GPC5: variants seen among roughly 807,000 people sequenced by gnomAD.
GPC5 encodes glypican 5, also known as glypican-5.
In GPC5, 47 loss-of-function variants were observed where a neutral mutation model predicts 53.9. The ratio of observed to expected loss-of-function variants is 0.87; its 90% CI spans 0.69 to 1.11. The LOEUF (loss-of-function observed/expected upper bound fraction) is 1.11, where lower values mean the gene tolerates loss of function less well. Ranked by LOEUF, GPC5 falls within the 50% of genes most tolerant of loss-of-function variation. The pLI is 0.00. For synonymous variants in GPC5, 286 were observed against 263.3 expected (o/e 1.09, Z -0.84); for missense variants, 748 against 713.1 (o/e 1.05, Z -0.56).
chr13:92,229,241 T>C (rs1310760078), intron 7 of GPC5, among the ~76,000 whole-genome samples: 1 of 152,106 alleles, frequency 6.6e-6, no homozygotes, highest in East Asian at 1.9e-4. Flanking sequence ...AGGTCATTAT[T>C]TGATTCATTG....
chr13:92,126,756 T>C (rs949252881), intron 6 of GPC5, among the ~76,000 whole-genome samples: 5 of 152,074 alleles, frequency 3.3e-5, no homozygotes, highest in African/African-American at 1.2e-4. Flanking sequence ...TTAAAACATG[T>C]AGGGTGTTAG....
At chr13:91,619,530 A>G (rs151182126) in intron 2 of GPC5, among the ~76,000 whole-genome samples, 44 of 152,194 alleles carry the variant, frequency 2.9e-4, no homozygotes, top group African/African-American at 9.6e-4. Flanking sequence ...GTAGGATTTT[A>G]ATTGGTTCCA....
chr13:92,772,812 C>A (rs1359286068), intron 7 of GPC5, among the ~76,000 whole-genome samples: 1 of 152,138 alleles, frequency 6.6e-6, no homozygotes, highest in Non-Finnish European at 1.5e-5. Flanking sequence ...TTTCTTATCA[C>A]AGTTAAGAAT....
chr13:91,781,810 T>C (rs2037802896), intron 5 of GPC5, among the ~76,000 whole-genome samples: 1 of 152,214 alleles, frequency 6.6e-6, no homozygotes, highest in African/African-American at 2.4e-5. Context: ...GCAATCTCAC[T>C]TCAGTAATCT....
Position 92,583,765 on chromosome 13 carries a change from A to C in GPC5, c.1562-282517A>C, listed in dbSNP as rs546600954. The stretch of plus-strand genomic sequence containing the variant: ...TATGGTTTGGCTGTGTCCCCTTTCA[A>C]ATCTCATCTTGAATTCCCAAGTGTT... On this transcript the variant is annotated intron_variant, in intron 7 of 7. Coordinates refer to ENST00000377067, the MANE Select transcript of GPC5 (RefSeq NM_004466.6). Among the ~76,000 whole-genome samples, 6 of 152,316 alleles carry C rather than the reference A, an allele frequency of 3.9e-5. No individual in the cohort carries two copies. In the South Asian group the frequency reaches 1.2e-3, roughly 32 times the overall value.
intron 7 of GPC5, among the ~76,000 whole-genome samples, chr13:92,729,448 A>G (rs911282594): frequency 2.0e-5 from 3 of 151,446 alleles, no homozygotes; most frequent in African/African-American, 7.3e-5. Flanking sequence ...CATTGTGTGA[A>G]ATGATATTTG....
At chr13:92,275,249 G>A (rs929112309) in intron 7 of GPC5, among the ~76,000 whole-genome samples, 1 of 151,920 alleles carries the variant, frequency 6.6e-6, no homozygotes, top group Non-Finnish European at 1.5e-5. Context: ...ATACACACAG[G>A]CTTCTGTATT....
chr13:92,271,724 A>C (rs1454038209), intron 7 of GPC5, among the ~76,000 whole-genome samples: 1 of 152,174 alleles, frequency 6.6e-6, no homozygotes, highest in Non-Finnish European at 1.5e-5. Flanking sequence ...AAGAAGGTAG[A>C]GCTCTAGAGA....
At chr13:91,936,656 T>C (rs1007202137) in intron 6 of GPC5, among the ~76,000 whole-genome samples, 1 of 152,068 alleles carries the variant, frequency 6.6e-6, no homozygotes, top group Non-Finnish European at 1.5e-5. Context: ...AGGAAACAAA[T>C]AGTCATGTCA....
chr13:91,525,821 A>G (rs1886059846), intron 2 of GPC5, among the ~76,000 whole-genome samples: 1 of 152,212 alleles, frequency 6.6e-6, no homozygotes, highest in Admixed American at 6.5e-5. Context: ...TTGGGCTTCC[A>G]GTCAGTGATT....
intron 7 of GPC5, among the ~76,000 whole-genome samples, chr13:92,698,911 G>T (rs1261526982): frequency 1.3e-5 from 2 of 152,048 alleles, no homozygotes; most frequent in Non-Finnish European, 2.9e-5. Context: ...TTTTTATTGT[G>T]TCTCTGCCAG....
chr13:92,730,779 A>T (rs1166189793), intron 7 of GPC5, among the ~76,000 whole-genome samples: 1 of 151,414 alleles, frequency 6.6e-6, no homozygotes, highest in Non-Finnish European at 1.5e-5. Flanking sequence ...AAAACTGGCA[A>T]ATGCAAGTAG....
At chr13:92,683,296 T>C (rs989253429) in intron 7 of GPC5, among the ~76,000 whole-genome samples, 4 of 152,156 alleles carry the variant, frequency 2.6e-5, no homozygotes, top group Admixed American at 1.3e-4. Flanking sequence ...TGCCAGACAG[T>C]CTGTTCCTTG....
chr13:91,832,530 G>T (rs2038674111), intron 5 of GPC5, among the ~76,000 whole-genome samples: 1 of 152,084 alleles, frequency 6.6e-6, no homozygotes, highest in Middle Eastern at 3.4e-3. Flanking sequence ...TATGATGCTA[G>T]CTGGTTATTT....
intron 3 of GPC5, among the ~76,000 whole-genome samples, chr13:91,722,622 C>T (rs1414744486): frequency 6.6e-6 from 1 of 152,128 alleles, no homozygotes; most frequent in Non-Finnish European, 1.5e-5. Flanking sequence ...CTGCCTCTTC[C>T]TCCTTATTCT....
Position 92,749,787 on chromosome 13 carries a change from T to A in GPC5, c.1562-116495T>A, listed in dbSNP as rs777037850. Among the ~76,000 whole-genome samples the A allele has an allele frequency of 3.3e-5, 5 of 152,250 alleles. No individual in the cohort carries two copies. The South Asian group carries it at 8.3e-4, about 25-fold the overall frequency. On this transcript the variant is annotated intron_variant, in intron 7 of 7. Coordinates refer to ENST00000377067, the MANE Select transcript of GPC5 (RefSeq NM_004466.6). The stretch of plus-strand genomic sequence containing the variant: ...ATCTACAGTTCATAGACCCGCTAAT[T>A]TGTACAATTAAAATTAAAAAGAAAA...
chr13:91,500,700 A>G (rs537851192), intron 2 of GPC5, among the ~76,000 whole-genome samples: 2 of 152,312 alleles, frequency 1.3e-5, no homozygotes, highest in South Asian at 4.1e-4. Context: ...TAATCTCTAC[A>G]GAACTATAAA....
At chr13:91,836,492 A>C (rs957407941) in intron 5 of GPC5, among the ~76,000 whole-genome samples, 2 of 152,042 alleles carry the variant, frequency 1.3e-5, no homozygotes, top group Admixed American at 6.6e-5. Context: ...ATTACTGTTA[A>C]TATTTCAATT....
chr13:92,701,729 C>T (rs1382667242), intron 7 of GPC5, among the ~76,000 whole-genome samples: 2 of 151,994 alleles, frequency 1.3e-5, no homozygotes, highest in Non-Finnish European at 2.9e-5. Flanking sequence ...TCACAAGTTT[C>T]TTCATATTCC....
Sources: gnomAD v4.1 joint callset for allele counts (sites outside exome capture counted in the v4.1 genomes callset) on GRCh38, gnomAD v4.1.1 for gene constraint, MANE v1.5 for transcripts, NCBI Gene and HGNC (gene_info 2026-07-23, HGNC 2026-07-21) for gene names.